The following COL2A1 variants were observed in gnomAD, a reference collection of about 807,000 sequenced individuals.
COL2A1 encodes the protein collagen alpha-1(II) chain.
Under a neutral mutation model 204.5 loss-of-function variants are expected in COL2A1, and 28 were observed. The observed-to-expected ratio is 0.14, with a 90% CI of 0.10 to 0.19. COL2A1 has a LOEUF of 0.19. COL2A1 is among the 10% of genes least tolerant of loss of function. The pLI, the probability that COL2A1 is intolerant of heterozygous loss-of-function variation, is 1.00. For synonymous variants in COL2A1, 708 were observed against 718.7 expected (o/e 0.99, Z 0.24); for missense variants, 1,388 against 2,027.5 (o/e 0.68, Z 6.06).
In COL2A1 at chr12:47,977,082, C is replaced by A; in HGVS notation, c.3327+20G>T. On this transcript the variant is annotated intron_variant, in intron 47 of 53. Coordinates refer to ENST00000380518, the MANE Select transcript of COL2A1 (RefSeq NM_001844.5). ...GCCTATCCCTGGTGGGGACTCAGTG[C>A]AGGACACTTGGATACTCACCTGGAT... The A allele has an allele frequency of 6.3e-7, 1 of 1,599,588 alleles. No individual in the cohort carries two copies. The highest frequency in any genetic ancestry group is 1.8e-5 in the Admixed American group (1 of 56,902).
chr12:48,000,073 C>T lies in COL2A1; in HGVS notation c.138G>A (p.Val46=), dbSNP rs761706052. 2.5e-6 allele frequency: 4 copies of T among 1,613,774 alleles called. No homozygotes were observed. In the African/African-American group the frequency reaches 4.0e-5, roughly 16 times the overall value. ...QDGQRYNDKD[V]WKPEPCRICV... ...AGATCCGGCAGGGCTCCGGCTTCCA[C>T]ACATCCTTATCATTATACCTCTGCC... The change falls in exon 2 of 54, where the codon GTG becomes GTA. Residue 46 remains valine, a synonymous_variant. Coordinates refer to ENST00000380518, the MANE Select transcript of COL2A1 (RefSeq NM_001844.5).
chr12:47,986,291 C>T (rs200507056), intron 23 of COL2A1, 45 bp downstream of exon 23: 8 of 1,287,714 alleles, frequency 6.2e-6, no homozygotes, highest in East Asian at 5.0e-5. Flanking sequence ...ACTTCCCTCT[C>T]GAGGTCACAG....
At chr12:48,000,358 C>G (rs1470811695) in intron 1 of COL2A1, among the ~76,000 whole-genome samples, 1 of 152,124 alleles carries the variant, frequency 6.6e-6, no homozygotes, top group African/African-American at 2.4e-5. Flanking sequence ...TGTCTATTCA[C>G]CAGTGAAAAT....
chr12:47,982,660 A>ACC, intron 33 of COL2A1, 51 bp from the exon 34 acceptor site: 1 of 1,391,150 alleles, frequency 7.2e-7, no homozygotes, highest in Non-Finnish European at 1.0e-6. Flanking sequence ...CTCTCCCTGA[A>ACC]CCCATGTTCA....
At chr12:47,979,188 G>T (rs1938900175) in intron 41 of COL2A1, among the ~76,000 whole-genome samples, 1 of 152,084 alleles carries the variant, frequency 6.6e-6, no homozygotes, top group African/African-American at 2.4e-5. Flanking sequence ...AGCGACCCAG[G>T]ACATGCGGAC....
In COL2A1 at chr12:47,994,846, C is replaced by T. The variant is rs148885073; in HGVS notation, c.763-369G>A. On this transcript the variant is annotated intron_variant, in intron 11 of 53. Coordinates refer to ENST00000380518, the MANE Select transcript of COL2A1 (RefSeq NM_001844.5). Reference sequence around the variant, plus strand: ...AGTGCCAATTCTTGTCTCTTCATTTCGTTTGCATCCTTTGTAGACATCCTG... The same window carrying T: ...AGTGCCAATTCTTGTCTCTTCATTTTGTTTGCATCCTTTGTAGACATCCTG... 4.1e-3 allele frequency among the ~76,000 whole-genome samples: 628 copies of T among 152,320 alleles called. 26 individuals carry two copies. In the South Asian group the frequency reaches 0.092, roughly 22 times the overall value.
At chr12:48,000,741 G>T (rs949087372) in intron 1 of COL2A1, among the ~76,000 whole-genome samples, 6 of 152,216 alleles carry the variant, frequency 3.9e-5, no homozygotes, top group Admixed American at 2.6e-4. Flanking sequence ...GTGAAAAGAC[G>T]AGCTATTAGA....
chr12:47,977,288 A>C (rs759840434), intron 46 of COL2A1, 32 bp downstream of exon 46: 1 of 1,591,040 alleles, frequency 6.3e-7, no homozygotes, highest in Non-Finnish European at 8.6e-7. Flanking sequence ...CGCGCAGGGG[A>C]AGGCGGCTTT....
chr12:47,988,033 C>T (rs867810472), intron 18 of COL2A1, among the ~76,000 whole-genome samples: 3 of 152,196 alleles, frequency 2.0e-5, no homozygotes, highest in Non-Finnish European at 2.9e-5. Context: ...ATCAGAAAAG[C>T]GTGGGCTGGG....
At chr12:47,986,738 GAGC>G in intron 22 of COL2A1, 94 bp downstream of exon 22, 1 of 1,385,240 alleles carries the variant, frequency 7.2e-7, no homozygotes, top group Non-Finnish European at 1.0e-6. Context: ...TTGGGGGATA[GAGC>G]CCTGGAGGAG....
chr12:47,993,685 G>A (rs1592229483), intron 14 of COL2A1, 124 bp downstream of exon 14: 4 of 1,223,024 alleles, frequency 3.3e-6, no homozygotes, highest in East Asian at 4.8e-5. Flanking sequence ...TAGGGCTGGT[G>A]TTCCCAGCCA....
At chr12:47,986,563 G>A in intron 22 of COL2A1, 120 bp from the exon 23 acceptor site, 1 of 739,454 alleles carries the variant, frequency 1.4e-6, no homozygotes, top group Non-Finnish European at 2.3e-6. Context: ...GGGGGCTTGA[G>A]GACGAGAGGC....
chr12:47,979,085 T>C (rs1485984795), intron 41 of COL2A1, among the ~76,000 whole-genome samples: 1 of 152,018 alleles, frequency 6.6e-6, no homozygotes, highest in Non-Finnish European at 1.5e-5. Context: ...CTCTGACCCC[T>C]GAGCTTGCCC....
rs757108462 is a variant in COL2A1, at chr12:47,982,523, G to T, written c.2280C>A (p.Ile760=). The T allele has an allele frequency of 6.2e-7, 1 of 1,613,672 alleles. No homozygotes were observed. The highest frequency in any genetic ancestry group is 8.5e-7 in the Non-Finnish European group (1 of 1,179,822). ...GMPGERGAAG[I]AGPKGDRGDV... The stretch of plus-strand genomic sequence containing the variant: ...TTACCCTGTCGCCTTTGGGCCCAGC[G>T]ATACCAGCTGCTCCCCTCTCGCCAG... Residue 760 remains isoleucine (I), a synonymous_variant, in exon 34 of 54, where the codon ATC becomes ATA. Transcript: ENST00000380518.
chr12:47,975,565 G>T lies in COL2A1; in HGVS notation c.3638C>A (p.Pro1213His). The T allele has an allele frequency of 6.2e-7, 1 of 1,602,326 alleles. No individual in the cohort carries two copies. The highest frequency in any genetic ancestry group is 8.5e-7 in the Non-Finnish European group (1 of 1,179,918). The change falls in exon 51 of 54, where the codon CCC (proline) becomes CAC (histidine). Residue 1213 changes from proline (P) to histidine (H), a missense_variant. Pro to His is a moderately conservative substitution (Grantham distance 77). Transcript: ENST00000380518. ...GGACATGTCGATGCCAGGGCCAGGG[G>T]GACCTGGAGGACCAGGGGGTCCAGG... Reference protein sequence around the residue: ...GNPGPPGPPGPPGPGIDMSAF... With the variant: ...GNPGPPGPPGHPGPGIDMSAF...
chr12:47,984,093 G>T lies in COL2A1; in HGVS notation c.1935C>A (p.Gly645=). ...DGETGAAGPP[G]PAGPAGERGE... is the part of the protein sequence containing the mutation. ...AGGCTGGGCAGGTACTTACAGCAGGGCCAGGGGGTCCTGCAGCACCTGTCT... is the reference window on the plus strand; with the variant it reads ...AGGCTGGGCAGGTACTTACAGCAGGTCCAGGGGGTCCTGCAGCACCTGTCT... The change falls in exon 29 of 54, where the codon GGC becomes GGA. Residue 645 remains glycine (G), a synonymous_variant. Coordinates refer to ENST00000380518, the MANE Select transcript of COL2A1 (RefSeq NM_001844.5). The T allele has an allele frequency of 6.2e-7, 1 of 1,612,816 alleles. No homozygotes were observed. Among genetic ancestry groups the T allele is most frequent in the Non-Finnish European group, 8.5e-7 (1 of 1,179,530 alleles).
At chr12:47,985,651 A>C in intron 25 of COL2A1, 64 bp from the exon 26 acceptor site, 8 of 1,607,034 alleles carry the variant, frequency 5.0e-6, no homozygotes, top group Non-Finnish European at 6.8e-6. Flanking sequence ...CAATCCTGGC[A>C]GTGCAGGGCT....
chr12:47,997,947 G>T (rs1172173554), intron 5 of COL2A1, 23 bp from the exon 6 acceptor site: 2 of 1,614,076 alleles, frequency 1.2e-6, no homozygotes, highest in Non-Finnish European at 1.7e-6. Flanking sequence ...AACATGGTAA[G>T]ATGACAGCAA....
intron 1 of COL2A1, 68 bp downstream of exon 1, chr12:48,004,169 G>A: frequency 8.2e-7 from 1 of 1,222,074 alleles, no homozygotes; most frequent in Non-Finnish European, 1.2e-6. Flanking sequence ...GCTGGAGCGG[G>A]CCGGGGAGAA....
Sources: allele counts gnomAD v4.1 joint callset (sites outside exome capture counted in the v4.1 genomes callset), GRCh38; gene constraint gnomAD v4.1.1; transcripts MANE v1.5; gene names NCBI Gene and HGNC (gene_info 2026-07-23, HGNC 2026-07-21).